Variants in EHBP1 observed in about 807,000 individuals in gnomAD.
EHBP1 encodes the protein EH domain-binding protein 1.
EHBP1 carries 55 observed loss-of-function variants against 144.0 expected under a neutral mutation model. The ratio of observed to expected loss-of-function variants is 0.38; its 90% CI spans 0.31 to 0.48. The LOEUF is 0.48. Among genes scored for constraint, EHBP1 ranks in the 20% least tolerant of loss-of-function variants. The pLI is 0.98. For missense variants in EHBP1, 1,200 were observed against 1,364.2 expected, an observed-to-expected ratio of 0.88 and a Z score of 1.90; for synonymous variants, 469 against 472.7, an observed-to-expected ratio of 0.99 and a Z score of 0.10.
At chr2:62,956,360 G>A (rs980162332) in intron 14 of EHBP1, among the ~76,000 whole-genome samples, 1 of 152,198 alleles carries the variant, frequency 6.6e-6, no homozygotes, top group South Asian at 2.1e-4. Flanking sequence ...GCACCATCAT[G>A]TGTTAGTAGT....
intron 10 of EHBP1, among the ~76,000 whole-genome samples, chr2:62,914,725 A>G (rs1030852779): frequency 6.6e-6 from 1 of 152,078 alleles, no homozygotes; most frequent in African/African-American, 2.4e-5. Context: ...ATGCATTTGT[A>G]TAAACTATAT....
At chr2:62,752,194 A>G (rs1219541022) in intron 3 of EHBP1, among the ~76,000 whole-genome samples, 5 of 152,226 alleles carry the variant, frequency 3.3e-5, no homozygotes, top group South Asian at 2.1e-4. Flanking sequence ...GTTTGTTCTC[A>G]TTGGTTTCAA....
chr2:62,783,773 G>A (rs553798983), intron 5 of EHBP1, among the ~76,000 whole-genome samples: 11 of 152,358 alleles, frequency 7.2e-5, no homozygotes, highest in African/African-American at 2.2e-4. Context: ...CTGCTGTGAA[G>A]GTCTCTGACA....
At chr2:62,855,721 G>A (rs1195982809) in intron 7 of EHBP1, among the ~76,000 whole-genome samples, 1 of 152,136 alleles carries the variant, frequency 6.6e-6, no homozygotes, top group Non-Finnish European at 1.5e-5. Context: ...TCAGAGCTGG[G>A]AAGTTGATGG....
intron 14 of EHBP1, among the ~76,000 whole-genome samples, chr2:62,978,580 T>C (rs1029745442): frequency 2.0e-5 from 3 of 152,184 alleles, no homozygotes; most frequent in Non-Finnish European, 4.4e-5. Flanking sequence ...TAGATTTTAA[T>C]TTTTCTTCTC....
intron 1 of EHBP1, among the ~76,000 whole-genome samples, chr2:62,696,809 G>A (rs980524791): frequency 1.3e-5 from 2 of 151,954 alleles, no homozygotes; most frequent in Middle Eastern, 6.8e-3. Flanking sequence ...GAGCCACCAC[G>A]CCTGACCTTT....
intron 7 of EHBP1, among the ~76,000 whole-genome samples, chr2:62,850,946 G>C (rs2048653421): frequency 6.6e-6 from 1 of 152,198 alleles, no homozygotes; most frequent in Admixed American, 6.5e-5. Context: ...TGCATGGGAA[G>C]TTTCACCAAC....
chr2:62,782,241 G>T lies in EHBP1; in HGVS notation c.312+10849G>T, dbSNP rs562536683. 6.6e-5 allele frequency among the ~76,000 whole-genome samples: 10 copies of T among 152,330 alleles called. No individual in the cohort carries two copies. In the South Asian group the frequency reaches 1.9e-3, roughly 28 times the overall value. ...TGAGGGATACGCGTGTGAGACAAGA[G>T]TAAGGTGATATGTACTATGGTAAAT... On this transcript the variant is annotated intron_variant, in intron 5 of 22. Transcript: ENST00000431489.
In EHBP1 at chr2:62,856,643, C is replaced by A. The variant is rs571489203; in HGVS notation, c.635-2526C>A. On this transcript the variant is annotated intron_variant, in intron 7 of 22. Coordinates refer to ENST00000431489, the MANE Select transcript of EHBP1 (RefSeq NM_001142616.3). ...GTCCAGCAGGCCTGAGCAAAAAACT[C>A]AGGCAAAGGCACCACTGGCCACAGA... 4.9e-4 allele frequency among the ~76,000 whole-genome samples: 75 copies of A among 152,342 alleles called. 1 individual carries two copies. Among genetic ancestry groups the A allele is most frequent in the African/African-American group, 1.6e-3 (66 of 41,584 alleles).
At chr2:62,923,452 ACCC>A (rs2055244563) in intron 10 of EHBP1, among the ~76,000 whole-genome samples, 1 of 152,060 alleles carries the variant, frequency 6.6e-6, no homozygotes, top group East Asian at 1.9e-4. Flanking sequence ...GAGGTGCCCC[ACCC>A]TCTACAGAAA....
intron 6 of EHBP1, 44 bp downstream of exon 6, chr2:62,826,312 G>T (rs770246602): frequency 6.6e-7 from 1 of 1,505,456 alleles, no homozygotes; most frequent in Non-Finnish European, 8.9e-7. Flanking sequence ...TTGTGTTTCA[G>T]TACACCATAG....
At chr2:63,035,478 A>G (rs2061411174) in intron 19 of EHBP1, among the ~76,000 whole-genome samples, 1 of 152,106 alleles carries the variant, frequency 6.6e-6, no homozygotes, top group Non-Finnish European at 1.5e-5. Flanking sequence ...ATAACACAGT[A>G]CCACATCAAT....
chr2:62,917,377 T>C (rs2054710284), intron 10 of EHBP1, among the ~76,000 whole-genome samples: 1 of 152,174 alleles, frequency 6.6e-6, no homozygotes, highest in South Asian at 2.1e-4. Context: ...CCATCATATA[T>C]GTAATCTGTC....
intron 6 of EHBP1, among the ~76,000 whole-genome samples, chr2:62,827,690 CAG>C (rs2046440773): frequency 6.7e-6 from 1 of 150,094 alleles, no homozygotes; most frequent in African/African-American, 2.5e-5. Flanking sequence ...TTTTTTGAGA[CAG>C]AGTCTCGCTC....
Position 63,045,314 on chromosome 2 carries a change from G to T in EHBP1, c.3393-96G>T. 1 of 1,399,722 alleles carries T rather than the reference G, an allele frequency of 7.1e-7. No homozygotes were observed. Among genetic ancestry groups the T allele is most frequent in the Non-Finnish European group, 1.0e-6 (1 of 1,001,804 alleles). The allele number at this position is 1,399,722 out of a possible 1,614,324, so 86.7% of individuals were successfully genotyped here. On this transcript the variant is annotated intron_variant, in intron 22 of 22. Transcript: ENST00000431489. The surrounding 1 kb of genome is among the most constrained non-coding windows in gnomAD (Gnocchi z 5.7). ...TGGCCTGGTGCTCCCCATTCCCGCT[G>T]GGGATCCAAATACTGGGCGACGGGG...
Position 62,774,472 on chromosome 2 carries a change from C to A in EHBP1, c.312+3080C>A, listed in dbSNP as rs149210738. Among the ~76,000 whole-genome samples, 132 of 151,820 alleles carry A rather than the reference C, an allele frequency of 8.7e-4. 2 individuals carry two copies. The highest frequency in any genetic ancestry group is 2.9e-3 in the African/African-American group (121 of 41,446). Reference sequence around the variant, plus strand: ...TGATATAAGTAGACGTTGCATTTTTCAAGTATTAGCAGTTTGCTTTACTTG... The same window carrying A: ...TGATATAAGTAGACGTTGCATTTTTAAAGTATTAGCAGTTTGCTTTACTTG... On this transcript the variant is annotated intron_variant, in intron 5 of 22. Coordinates refer to ENST00000431489, the MANE Select transcript of EHBP1 (RefSeq NM_001142616.3).
chr2:62,915,711 A>T (rs200129573), intron 10 of EHBP1, among the ~76,000 whole-genome samples: 1 of 59,250 alleles, frequency 1.7e-5, no homozygotes, highest in African/African-American at 6.6e-5. Flanking sequence ...TTAAGGATTT[A>T]AAAAAAATTT....
chr2:63,014,847 G>A (rs535260559), intron 19 of EHBP1, among the ~76,000 whole-genome samples: 6 of 152,160 alleles, frequency 3.9e-5, no homozygotes, highest in South Asian at 2.1e-4. Flanking sequence ...GTGTGGTGGC[G>A]CATGCCTGTA....
chr2:62,798,589 T>G (rs1009775779), intron 5 of EHBP1, among the ~76,000 whole-genome samples: 4 of 152,178 alleles, frequency 2.6e-5, no homozygotes, highest in Non-Finnish European at 5.9e-5. Context: ...ATAATACACC[T>G]ATTTCATAGA....
Sources: allele counts gnomAD v4.1 joint callset (sites outside exome capture counted in the v4.1 genomes callset), GRCh38; gene constraint gnomAD v4.1.1; non-coding constraint Gnocchi (gnomAD v3.1); transcripts MANE v1.5; gene names NCBI Gene and HGNC (gene_info 2026-07-23, HGNC 2026-07-21).